The following KLK6 variants were observed in gnomAD, a reference collection of about 807,000 sequenced individuals.
KLK6 encodes the protein kallikrein related peptidase 6.
A neutral mutation model predicts 21.7 loss-of-function variants in KLK6; 16 were observed. The observed-to-expected ratio is 0.74, with a 90% CI of 0.50 to 1.12. The LOEUF is 1.12. KLK6 is among the 50% of genes most tolerant of loss of function. The probability of loss-of-function intolerance (pLI) is 0.00; values close to 1 mark genes in which losing one functional copy is unlikely to be tolerated. For synonymous variants in KLK6, 116 were observed against 120.1 expected (o/e 0.97, Z 0.22); for missense variants, 276 against 304.6 (o/e 0.91, Z 0.70).
chr19:50,965,090 C>T (rs1014124978), intron 4 of KLK6, among the ~76,000 whole-genome samples: 1 of 151,928 alleles, frequency 6.6e-6, no homozygotes, highest in Non-Finnish European at 1.5e-5. Context: ...GAAGGGTTTG[C>T]TTCTTTTGTT....
At chr19:50,966,136 C>T (rs1212929135) in intron 4 of KLK6, among the ~76,000 whole-genome samples, 1 of 152,126 alleles carries the variant, frequency 6.6e-6, no homozygotes, top group Admixed American at 6.6e-5. Context: ...GGACATCTCC[C>T]CGGCATCTCC....
chr19:50,967,792 C>T (rs2090950759), intron 3 of KLK6, among the ~76,000 whole-genome samples: 1 of 151,932 alleles, frequency 6.6e-6, no homozygotes, highest in Non-Finnish European at 1.5e-5. Context: ...CCCGGGCTCT[C>T]TCCAACTTTC....
At chr19:50,959,583 G>C (rs1440176160) in intron 6 of KLK6, among the ~76,000 whole-genome samples, 1 of 145,360 alleles carries the variant, frequency 6.9e-6, no homozygotes, top group Non-Finnish European at 1.5e-5. Context: ...AAGATGCAGA[G>C]GAACATAGAG....
intron 4 of KLK6, among the ~76,000 whole-genome samples, chr19:50,966,047 T>C (rs190198293): frequency 1.6e-3 from 242 of 152,276 alleles, no homozygotes; most frequent in African/African-American, 5.2e-3. Flanking sequence ...ATACACCTGT[T>C]TGCTGACGAT....
chr19:50,961,932 T>A (rs1443604417), intron 5 of KLK6, 52 bp from the exon 6 acceptor site: 1 of 1,578,632 alleles, frequency 6.3e-7, no homozygotes, highest in East Asian at 2.3e-5. Flanking sequence ...ACTCCCCTCA[T>A]CCTCCCCAGT....
Position 50,959,363 on chromosome 19 carries a change from CTGTGTGTGTGTGTGTGTGTG to C in KLK6, c.583-67_583-48del, listed in dbSNP as rs71185782. 3.0e-3 allele frequency: 2,537 copies of C among 841,630 alleles called. 22 individuals are homozygous for C. Among genetic ancestry groups the C allele is most frequent in the African/African-American group, 0.023 (1,172 of 51,686 alleles). 52.1% of individuals were successfully genotyped at this position (841,630 alleles called of 1,614,324 possible). On this transcript the variant is annotated intron_variant, in intron 6 of 6. Transcript: ENST00000310157. The stretch of plus-strand genomic sequence containing the variant: ...TCAGATACAGATAGAAACCCAGAGA[CTGTGTGTGTGTGTGTGTGTG>C]TGTGTGTGTGTGTGTGTGTGTGTGT...
At chr19:50,964,641 G>C (rs1355195347) in intron 4 of KLK6, among the ~76,000 whole-genome samples, 3 of 152,174 alleles carry the variant, frequency 2.0e-5, no homozygotes, top group Admixed American at 6.5e-5. Flanking sequence ...GGGGATTTTT[G>C]TTCTATTCAG....
chr19:50,968,418 G>A (rs528570934), intron 2 of KLK6, 123 bp downstream of exon 2: 81 of 464,928 alleles, frequency 1.7e-4, no homozygotes, highest in African/African-American at 1.1e-3. Context: ...CGACAGGAGA[G>A]GGTTACCCTA....
At chr19:50,962,162 G>A (rs759795263) in intron 5 of KLK6, 14 of 336,742 alleles carry the variant, frequency 4.2e-5, no homozygotes, top group African/African-American at 6.5e-5. Flanking sequence ...TTTTCTCTTA[G>A]GTCCCTCCTC....
chr19:50,967,960 C>T, intron 3 of KLK6, 105 bp downstream of exon 3: 2 of 1,021,500 alleles, frequency 2.0e-6, no homozygotes, highest in Admixed American at 3.5e-5. Context: ...CAAAGCTCCC[C>T]CACCCCAACC....
At chr19:50,963,749 C>G in intron 4 of KLK6, 200 bp from the exon 5 acceptor site, 1 of 609,994 alleles carries the variant, frequency 1.6e-6, no homozygotes, top group South Asian at 2.0e-5. Flanking sequence ...TCCAAGCTGT[C>G]CAGAATTCCT....
At chr19:50,959,873 A>G (rs1600086827) in intron 6 of KLK6, among the ~76,000 whole-genome samples, 2 of 42,376 alleles carry the variant, frequency 4.7e-5, no homozygotes, top group Non-Finnish European at 8.8e-5. Context: ...GAGGAGGAGG[A>G]GGAAGAGGAG....
intron 4 of KLK6, among the ~76,000 whole-genome samples, chr19:50,964,655 T>C (rs2090897549): frequency 2.0e-5 from 3 of 152,230 alleles, no homozygotes; most frequent in Admixed American, 2.0e-4. Flanking sequence ...TATTCAGATA[T>C]AGTATCTCCA....
chr19:50,968,352 T>C (rs758858866), intron 2 of KLK6, 189 bp downstream of exon 2: 12 of 587,014 alleles, frequency 2.0e-5, no homozygotes, highest in African/African-American at 3.7e-5. Flanking sequence ...CAGTAACCCA[T>C]GGTGAGATTC....
At chr19:50,968,203 C>T in intron 2 of KLK6, 91 bp from the exon 3 acceptor site, 2 of 1,184,000 alleles carry the variant, frequency 1.7e-6, no homozygotes, top group Non-Finnish European at 2.5e-6. Flanking sequence ...TCCTTCCTTC[C>T]TGGCCTGCTA....
chr19:50,963,886 G>T (rs545214021), intron 4 of KLK6, among the ~76,000 whole-genome samples: 24 of 152,014 alleles, frequency 1.6e-4, no homozygotes, highest in Non-Finnish European at 1.6e-4. Flanking sequence ...TGGGCTCCCT[G>T]CTCTGTCTCT....
chr19:50,967,030 A>G (rs2090937315), intron 4 of KLK6, 139 bp downstream of exon 4: 1 of 842,294 alleles, frequency 1.2e-6, no homozygotes, highest in Non-Finnish European at 1.9e-6. Flanking sequence ...TACTCAATTA[A>G]GCAACAGCCG....
At chr19:50,964,951 A>T (rs182566421) in intron 4 of KLK6, among the ~76,000 whole-genome samples, 3 of 152,282 alleles carry the variant, frequency 2.0e-5, no homozygotes, top group Admixed American at 1.3e-4. Flanking sequence ...TCTGCCCTGA[A>T]CATTCCTTTT....
Position 50,961,814 on chromosome 19 carries a change from G to A in KLK6, c.512C>T (p.Ala171Val), listed in dbSNP as rs1438473955. Residue 171 changes from alanine (A) to valine (V), a missense_variant, in exon 6 of 7, where the codon GCC (alanine) becomes GTC (valine). Ala to Val is a moderately conservative substitution (Grantham distance 64). Coordinates refer to ENST00000310157, the MANE Select transcript of KLK6 (RefSeq NM_002774.4). Reference protein sequence around the residue: ...HLVSREECEHAYPGQITQNML... With the variant: ...HLVSREECEHVYPGQITQNML... ...GTTCTGGGTGATCTGGCCAGGGTAG[G>A]CATGCTCACACTCCTCACGGGACAC... 13 of 1,613,916 alleles carry A rather than the reference G, an allele frequency of 8.1e-6. No individual in the cohort carries two copies. Among genetic ancestry groups the A allele is most frequent in the Non-Finnish European group, 1.1e-5 (13 of 1,179,964 alleles).
Sources: allele counts gnomAD v4.1 joint callset (sites outside exome capture counted in the v4.1 genomes callset), GRCh38; gene constraint gnomAD v4.1.1; transcripts MANE v1.5; gene names NCBI Gene and HGNC (gene_info 2026-07-23, HGNC 2026-07-21).